PLCH1: variants seen among roughly 807,000 people sequenced by gnomAD.
PLCH1 encodes the protein phospholipase C eta 1.
In PLCH1, 60 loss-of-function variants were observed where a neutral mutation model predicts 126.7. The ratio of observed to expected loss-of-function variants is 0.47; its 90% CI spans 0.38 to 0.59. The LOEUF (loss-of-function observed/expected upper bound fraction) is 0.59. Among genes scored for constraint, PLCH1 ranks in the 20% least tolerant of loss-of-function variants. The pLI is 0.00. For synonymous variants in PLCH1, 719 were observed against 734.9 expected (o/e 0.98, Z 0.35); for missense variants, 1,723 against 2,040.0 (o/e 0.84, Z 2.99).
At chr3:155,532,046 T>C (rs1722759996) in intron 10 of PLCH1, among the ~76,000 whole-genome samples, 1 of 152,248 alleles carries the variant, frequency 6.6e-6, no homozygotes, top group Admixed American at 6.5e-5. Context: ...AATGGCTAAC[T>C]CTTGGGCACA....
intron 4 of PLCH1, among the ~76,000 whole-genome samples, chr3:155,586,874 C>T (rs974374864): frequency 6.6e-6 from 1 of 152,112 alleles, no homozygotes; most frequent in Non-Finnish European, 1.5e-5. Flanking sequence ...GTGAATTACC[C>T]TCCTAATCCT....
intron 7 of PLCH1, among the ~76,000 whole-genome samples, chr3:155,566,368 T>C (rs1181620499): frequency 2.1e-5 from 3 of 143,648 alleles, no homozygotes; most frequent in East Asian, 2.0e-4. Flanking sequence ...TATACACACA[T>C]ATATATATGT....
In PLCH1 at chr3:155,663,348, T is replaced by C. The variant is rs574005268; in HGVS notation, c.79+40798A>G. On this transcript the variant is annotated intron_variant, in intron 2 of 22. Transcript: ENST00000460012. ...GATTTAATCAATTTAGACAACTGCCTTTGGTTAGATTTGGGTAACTAAGAA... is the reference window on the plus strand; with the variant it reads ...GATTTAATCAATTTAGACAACTGCCCTTGGTTAGATTTGGGTAACTAAGAA... Among the ~76,000 whole-genome samples, 51 of 152,328 alleles carry C rather than the reference T, an allele frequency of 3.3e-4. 1 individual carries two copies. In the South Asian group the frequency reaches 4.2e-3, roughly 12 times the overall value.
At chr3:155,489,150 C>A (rs945903698) in intron 19 of PLCH1, among the ~76,000 whole-genome samples, 7 of 152,086 alleles carry the variant, frequency 4.6e-5, no homozygotes, top group Non-Finnish European at 8.8e-5. Flanking sequence ...TTAGACAAAA[C>A]AATAAAGAAT....
chr3:155,716,659 G>A (rs1747533499), intron 1 of PLCH1, among the ~76,000 whole-genome samples: 1 of 152,128 alleles, frequency 6.6e-6, no homozygotes, highest in African/African-American at 2.4e-5. Context: ...ACAGCACCAA[G>A]GCATGACAGC....
intron 4 of PLCH1, among the ~76,000 whole-genome samples, chr3:155,588,722 T>G (rs1731704662): frequency 6.6e-6 from 1 of 152,144 alleles, no homozygotes; most frequent in Non-Finnish European, 1.5e-5. Flanking sequence ...TTTAGGGAAC[T>G]GGTAAAGTAA....
chr3:155,543,149 A>T (rs1387145059), intron 10 of PLCH1, among the ~76,000 whole-genome samples: 1 of 152,220 alleles, frequency 6.6e-6, no homozygotes, highest in African/African-American at 2.4e-5. Context: ...AAAAAAATTT[A>T]GACGAATGTA....
At chr3:155,697,692 A>G (rs901325984) in intron 2 of PLCH1, among the ~76,000 whole-genome samples, 1 of 152,186 alleles carries the variant, frequency 6.6e-6, no homozygotes, top group African/African-American at 2.4e-5. Flanking sequence ...CAGGAGCCAG[A>G]CAGTTGCCCC....
intron 2 of PLCH1, among the ~76,000 whole-genome samples, chr3:155,629,584 C>T (rs1017600439): frequency 2.6e-5 from 4 of 152,190 alleles, no homozygotes; most frequent in Non-Finnish European, 5.9e-5. Flanking sequence ...CTTTCTCCAT[C>T]CTTCACAGTC....
chr3:155,626,309 G>A (rs1737240866), intron 2 of PLCH1, among the ~76,000 whole-genome samples: 1 of 152,050 alleles, frequency 6.6e-6, no homozygotes, highest in Admixed American at 6.6e-5. Context: ...ATTGACACTG[G>A]TAGGTCAATG....
chr3:155,599,155 G>C (rs1396182158), intron 2 of PLCH1, among the ~76,000 whole-genome samples: 1 of 151,934 alleles, frequency 6.6e-6, no homozygotes, highest in Non-Finnish European at 1.5e-5. Flanking sequence ...AGTAATAAAT[G>C]TCTGTTGTTT....
At chr3:155,644,496 G>C (rs952192052) in intron 2 of PLCH1, among the ~76,000 whole-genome samples, 1 of 151,978 alleles carries the variant, frequency 6.6e-6, no homozygotes, top group Admixed American at 6.6e-5. Context: ...CCAACTACTC[G>C]GGAGGCTAAG....
intron 2 of PLCH1, among the ~76,000 whole-genome samples, chr3:155,647,020 T>C (rs1740141248): frequency 6.6e-6 from 1 of 152,172 alleles, no homozygotes; most frequent in African/African-American, 2.4e-5. Flanking sequence ...ACAAATAGAA[T>C]GCATCAGCAG....
chr3:155,635,806 T>C (rs1738650575), intron 2 of PLCH1, among the ~76,000 whole-genome samples: 1 of 152,226 alleles, frequency 6.6e-6, no homozygotes, highest in Non-Finnish European at 1.5e-5. Flanking sequence ...TAAAATATCA[T>C]ATATGCTTTG....
chr3:155,543,097 A>G (rs1300977043), intron 10 of PLCH1, among the ~76,000 whole-genome samples: 3 of 152,216 alleles, frequency 2.0e-5, no homozygotes, highest in Admixed American at 2.0e-4. Context: ...TCCAAGCTAC[A>G]GGAGGAAATT....
At chr3:155,591,471 G>A (rs540501400) in intron 4 of PLCH1, among the ~76,000 whole-genome samples, 16 of 152,096 alleles carry the variant, frequency 1.1e-4, no homozygotes, top group African/African-American at 2.2e-4. Context: ...ACAACGTATC[G>A]CAACAGACTG....
chr3:155,503,858 T>C (rs1400045083), intron 13 of PLCH1, among the ~76,000 whole-genome samples: 2 of 152,236 alleles, frequency 1.3e-5, no homozygotes, highest in Admixed American at 6.5e-5. Flanking sequence ...TTTTGACATA[T>C]ACCTAACAAT....
intron 2 of PLCH1, chr3:155,658,126 G>A (rs1442620075): frequency 4.6e-6 from 1 of 217,734 alleles, no homozygotes; most frequent in East Asian, 1.1e-4. Flanking sequence ...TTATCCTACC[G>A]AAGATGTGCC....
At position 155,482,818 on chromosome 3, in the gene PLCH1, G is replaced by T. The variant is rs776489883; in HGVS notation, c.3208C>A (p.Pro1070Thr). ...GGGGAGAGAGACTTGCTGGGACAGG[G>T]GTTTTCCTGGCAATTGCTTGTGGCA... ...SNATSNCQEN[P>T]CPSKSLSPKQ... The change falls in exon 23 of 23, where the codon CCC (proline) becomes ACC (threonine). Residue 1070 changes from proline (P) to threonine (T), a missense_variant. Pro to Thr is a conservative substitution (Grantham distance 38, BLOSUM62 -1). Transcript: ENST00000460012. 2 of 1,614,064 alleles carry T rather than the reference G, an allele frequency of 1.2e-6. No individual in the cohort carries two copies. The highest frequency in any genetic ancestry group is 4.5e-5 in the East Asian group (2 of 44,870).
Sources: gnomAD v4.1 joint callset for allele counts (sites outside exome capture counted in the v4.1 genomes callset) on GRCh38, gnomAD v4.1.1 for gene constraint, MANE v1.5 for transcripts, NCBI Gene and HGNC (gene_info 2026-07-23, HGNC 2026-07-21) for gene names.